The following ZFHX3 variants were observed in gnomAD, a reference collection of about 807,000 sequenced individuals.
ZFHX3 encodes zinc finger homeobox 3, also known as zinc finger homeobox protein 3.
A neutral mutation model predicts 279.1 loss-of-function variants in ZFHX3; 42 were observed. That is an observed-to-expected ratio of 0.15 (90% confidence interval 0.12 to 0.19). The LOEUF (loss-of-function observed/expected upper bound fraction) is 0.19, where lower values mean the gene tolerates loss of function less well. Ranked by LOEUF, ZFHX3 falls within the 10% of genes least tolerant of loss-of-function variation. ZFHX3 has a pLI of 1.00. For missense variants in ZFHX3, 4,981 were observed against 4,754.0 expected (o/e 1.05, Z -1.40); for synonymous variants, 2,293 against 1,957.8 (o/e 1.17, Z -4.52).
intron 1 of ZFHX3, among the ~76,000 whole-genome samples, chr16:73,776,119 A>AGG (rs1275078370): frequency 6.6e-6 from 1 of 152,158 alleles, no homozygotes; most frequent in Non-Finnish European, 1.5e-5. Flanking sequence ...TCATACACAC[A>AGG]CAGCAGGGAT....
intron 4 of ZFHX3, among the ~76,000 whole-genome samples, chr16:73,289,749 G>C (rs1342615473): frequency 1.3e-5 from 2 of 152,076 alleles, no homozygotes; most frequent in African/African-American, 4.8e-5. Flanking sequence ...TTACCATTCT[G>C]GTGAGCCCCC....
intron 1 of ZFHX3, among the ~76,000 whole-genome samples, chr16:73,689,113 A>G (rs2053121118): frequency 6.6e-6 from 1 of 152,220 alleles, no homozygotes; most frequent in Non-Finnish European, 1.5e-5. Flanking sequence ...ATTTTAAATG[A>G]TCCAATAAAT....
intron 6 of ZFHX3, among the ~76,000 whole-genome samples, chr16:73,136,061 T>C (rs1966784446): frequency 6.6e-6 from 1 of 152,154 alleles, no homozygotes; most frequent in Admixed American, 6.5e-5. Flanking sequence ...TTTAACCATG[T>C]TGGTCAGGAT....
intron 1 of ZFHX3, among the ~76,000 whole-genome samples, chr16:72,974,508 C>G (rs1052290882): frequency 9.2e-5 from 14 of 151,792 alleles, no homozygotes; most frequent in African/African-American, 3.2e-4. Context: ...CACGAGGCTC[C>G]GGAACTGGCA....
intron 2 of ZFHX3, among the ~76,000 whole-genome samples, chr16:73,640,730 A>T (rs1045531563): frequency 6.6e-6 from 1 of 152,200 alleles, no homozygotes; most frequent in Non-Finnish European, 1.5e-5. Context: ...AATTAATAAA[A>T]AATCTCCAAA....
intron 1 of ZFHX3, among the ~76,000 whole-genome samples, chr16:73,781,726 T>C (rs538911483): frequency 2.9e-4 from 44 of 152,304 alleles, no homozygotes; most frequent in East Asian, 3.9e-4. Context: ...TGGTGGCGCA[T>C]GCCTGTAATT....
At chr16:73,283,615 C>T (rs529111145) in intron 4 of ZFHX3, among the ~76,000 whole-genome samples, 5 of 152,200 alleles carry the variant, frequency 3.3e-5, no homozygotes, top group Non-Finnish European at 7.3e-5. Flanking sequence ...GTTGTAATGA[C>T]ACCTGCTGAC....
chr16:73,882,796 A>G (rs1017341237), intron 1 of ZFHX3, among the ~76,000 whole-genome samples: 7 of 152,114 alleles, frequency 4.6e-5, no homozygotes, highest in Admixed American at 6.5e-5. Flanking sequence ...CAACTACTCA[A>G]AAAAAGTTCA....
At chr16:72,921,428 G>C (rs1228572118) in intron 3 of ZFHX3, among the ~76,000 whole-genome samples, 2 of 152,236 alleles carry the variant, frequency 1.3e-5, no homozygotes, top group African/African-American at 4.8e-5. Flanking sequence ...AGATACATAG[G>C]GCTAAGTGGG....
At chr16:73,104,847 A>C (rs1170434837) in intron 7 of ZFHX3, among the ~76,000 whole-genome samples, 1 of 152,036 alleles carries the variant, frequency 6.6e-6, no homozygotes, top group African/African-American at 2.4e-5. Flanking sequence ...ATGTGCTCCT[A>C]TAGCATTTTA....
chr16:73,622,935 T>C (rs2052378515), intron 2 of ZFHX3, among the ~76,000 whole-genome samples: 1 of 152,232 alleles, frequency 6.6e-6, no homozygotes, highest in Non-Finnish European at 1.5e-5. Context: ...GTTTCTACCC[T>C]AGTACCTGGG....
chr16:73,887,574 A>G (rs1023654383), intron 1 of ZFHX3, among the ~76,000 whole-genome samples: 3 of 152,192 alleles, frequency 2.0e-5, no homozygotes, highest in African/African-American at 7.2e-5. Context: ...AAAAAAAAGC[A>G]GGCTCTTGTC....
chr16:73,883,339 C>A (rs1479454065), intron 1 of ZFHX3, among the ~76,000 whole-genome samples: 1 of 151,902 alleles, frequency 6.6e-6, no homozygotes, highest in African/African-American at 2.4e-5. Flanking sequence ...TCTGTGTATT[C>A]TGTTACTCCA....
At chr16:73,345,404 C>T (rs1011359359) in intron 3 of ZFHX3, among the ~76,000 whole-genome samples, 1 of 148,100 alleles carries the variant, frequency 6.8e-6, no homozygotes, top group Non-Finnish European at 1.5e-5. Flanking sequence ...ACCCCACCCC[C>T]CGACAGGCCC....
At chr16:72,998,673 C>G (rs927798652) in intron 1 of ZFHX3, among the ~76,000 whole-genome samples, 12 of 152,196 alleles carry the variant, frequency 7.9e-5, no homozygotes, top group Non-Finnish European at 1.6e-4. Context: ...TCATGAGAAC[C>G]TAAAACATAA....
intron 4 of ZFHX3, among the ~76,000 whole-genome samples, chr16:73,292,067 G>A (rs868111849): frequency 3.3e-4 from 50 of 152,274 alleles, no homozygotes; most frequent in African/African-American, 1.1e-3. Context: ...GTAAGACCAT[G>A]TTCAAGTTCA....
intron 5 of ZFHX3, among the ~76,000 whole-genome samples, chr16:73,144,814 A>G (rs1000466227): frequency 6.6e-6 from 1 of 152,200 alleles, no homozygotes; most frequent in South Asian, 2.1e-4. Flanking sequence ...CCTGCACTGA[A>G]GAGCATATCT....
chr16:73,202,576 C>T (rs2011646016), intron 5 of ZFHX3, among the ~76,000 whole-genome samples: 1 of 152,152 alleles, frequency 6.6e-6, no homozygotes. Flanking sequence ...TGAGACTGGG[C>T]CAACCAGATG....
chr16:72,881,294 G>A (rs528603567), intron 4 of ZFHX3, among the ~76,000 whole-genome samples: 3 of 152,130 alleles, frequency 2.0e-5, no homozygotes, highest in East Asian at 1.9e-4. Context: ...CTTCCTTGTG[G>A]CTCTCAGGAG....
Sources: gnomAD v4.1 joint callset for allele counts (sites outside exome capture counted in the v4.1 genomes callset) on GRCh38, gnomAD v4.1.1 for gene constraint, MANE v1.5 for transcripts, NCBI Gene and HGNC (gene_info 2026-07-23, HGNC 2026-07-21) for gene names.